The following TTC34 variants were observed in gnomAD, a reference collection of about 807,000 sequenced individuals.
The protein encoded by TTC34 is tetratricopeptide repeat domain 34.
A neutral mutation model predicts 40.7 loss-of-function variants in TTC34; 44 were observed. The ratio of observed to expected loss-of-function variants is 1.08; its 90% CI spans 0.85 to 1.39. The LOEUF (loss-of-function observed/expected upper bound fraction) is 1.39, where lower values mean the gene tolerates loss of function less well. TTC34 is among the 40% of genes most tolerant of loss of function. TTC34 has a pLI of 0.00. For synonymous variants in TTC34, 422 were observed against 398.6 expected (o/e 1.06, Z -0.70); for missense variants, 884 against 838.0 (o/e 1.05, Z -0.68).
intron 6 of TTC34, among the ~76,000 whole-genome samples, chr1:2,764,201 A>C (rs1223205538): frequency 2.0e-5 from 3 of 149,160 alleles, no homozygotes; most frequent in African/African-American, 7.5e-5. Context: ...AGCATCTGAC[A>C]GTCTGGAACA....
intron 6 of TTC34, among the ~76,000 whole-genome samples, chr1:2,767,421 C>A (rs1193663190): frequency 7.3e-6 from 1 of 137,664 alleles, no homozygotes; most frequent in Non-Finnish European, 1.6e-5. Flanking sequence ...AGCATCTGAC[C>A]GCATGGAATG....
rs1641620638 is a variant in TTC34, at chr1:2,759,489, G to GCAT, written c.2226+24117_2226+24119dup. On this transcript the variant is annotated intron_variant, in intron 6 of 8. Coordinates refer to ENST00000401095, the Ensembl canonical transcript of TTC34. ...AGCAGCACCCCACACCCCCAGGTGAGCATCGGGCAGCCTGGAGCAGCACCC... is the reference window on the plus strand; with the variant it reads ...AGCAGCACCCCACACCCCCAGGTGAGCATCATCGGGCAGCCTGGAGCAGCACCC... Among the ~76,000 whole-genome samples the GCAT allele has an allele frequency of 2.6e-4, 3 of 11,324 alleles. 1 individual carries two copies. The highest frequency in any genetic ancestry group is 3.9e-4 in the Non-Finnish European group (2 of 5,122). 7.4% of individuals were successfully genotyped at this position (11,324 alleles called of 152,430 possible).
At chr1:2,694,532 G>C (rs1213087626) in intron 6 of TTC34, among the ~76,000 whole-genome samples, 3 of 69,966 alleles carry the variant, frequency 4.3e-5, no homozygotes, top group Admixed American at 1.4e-4. Context: ...ATCCGACATC[G>C]TGGAGTAGCA....
Position 2,645,263 on chromosome 1 carries a change from C to T in TTC34, c.2497+30G>A, listed in dbSNP as rs1461260344. 1.1e-5 allele frequency: 16 copies of T among 1,439,946 alleles called. No homozygotes were observed. The highest frequency in any genetic ancestry group is 2.9e-5 in the African/African-American group (2 of 69,894). The allele number at this position is 1,439,946 out of a possible 1,614,324, so 89.2% of individuals were successfully genotyped here. A position where few individuals can be genotyped will look rare whatever the true frequency, so the allele number is the denominator to read the frequency against. Reference sequence around the variant, plus strand: ...GGAGCGGGGACAGAAGCCCAGACCCCGTGTTTCCCACCTTGGGGCCGCCGC... The same window carrying T: ...GGAGCGGGGACAGAAGCCCAGACCCTGTGTTTCCCACCTTGGGGCCGCCGC... On this transcript the variant is annotated intron_variant, in intron 7 of 8. Transcript: ENST00000401095. This position sits in a 1 kb window ranked among gnomAD's most constrained non-coding sequence, Gnocchi z 4.7.
At chr1:2,778,486 G>T (rs1225279320) in intron 6 of TTC34, among the ~76,000 whole-genome samples, 1 of 152,232 alleles carries the variant, frequency 6.6e-6, no homozygotes, top group African/African-American at 2.4e-5. Context: ...GCTCAGGCTA[G>T]TACCCAAGAG....
At chr1:2,643,777 G>T (rs867103914) in intron 8 of TTC34, among the ~76,000 whole-genome samples, 1 of 152,200 alleles carries the variant, frequency 6.6e-6, no homozygotes, top group Non-Finnish European at 1.5e-5. Flanking sequence ...GCCCCGGAGT[G>T]CTAGAACCCG....
At chr1:2,680,997 T>G (rs1208383529) in intron 6 of TTC34, among the ~76,000 whole-genome samples, 2 of 58,496 alleles carry the variant, frequency 3.4e-5, no homozygotes, top group Admixed American at 1.5e-4. Context: ...CAGGTGAGCA[T>G]CTGATGATCT....
At chr1:2,751,355 C>A (rs1190652576) in intron 6 of TTC34, among the ~76,000 whole-genome samples, 1 of 45,234 alleles carries the variant, frequency 2.2e-5, no homozygotes, top group East Asian at 7.6e-4. Flanking sequence ...CAGCCTGGGT[C>A]GGCACCCACA....
chr1:2,643,605 G>T (rs1447657581), intron 8 of TTC34, among the ~76,000 whole-genome samples: 2 of 148,268 alleles, frequency 1.3e-5, no homozygotes, highest in African/African-American at 2.5e-5. Context: ...CAGCCCGGCC[G>T]CCTCCTCTAG....
exon 9 of TTC34, chr1:2,641,275 G>A (rs1316336616): frequency 6.5e-6 from 9 of 1,383,112 alleles, no homozygotes; most frequent in East Asian, 5.2e-5. Flanking sequence ...GTACCTCCCC[G>A]ATTTAGGGAG....
rs551051431 is a variant in TTC34, at chr1:2,691,557, C to G, written c.2227-45994G>C. 1.7e-3 allele frequency among the ~76,000 whole-genome samples: 221 copies of G among 131,840 alleles called. 18 individuals carry two copies. The highest frequency in any genetic ancestry group is 3.1e-3 in the Admixed American group (39 of 12,552). The allele number at this position is 131,840 out of a possible 152,430, so 86.5% of individuals were successfully genotyped here. ...AGAACCCACACCCCCAGGTGAGCAT[C>G]TGACAGACTGGAACAGCACCCACAT... On this transcript the variant is annotated intron_variant, in intron 6 of 8. Transcript: ENST00000401095.
chr1:2,658,514 T>G (rs77427023), intron 6 of TTC34, among the ~76,000 whole-genome samples: 113 of 17,428 alleles, frequency 6.5e-3, no homozygotes, highest in Non-Finnish European at 7.2e-3. Flanking sequence ...ACCCAGGTGA[T>G]CATCTGACAG....
At chr1:2,642,067 A>G (rs1422075613) in intron 8 of TTC34, among the ~76,000 whole-genome samples, 172 bp from the exon 9 acceptor site, 1 of 152,088 alleles carries the variant, frequency 6.6e-6, no homozygotes, top group African/African-American at 2.4e-5. Context: ...CTGGCTGACC[A>G]TGGGCAAGGG....
intron 6 of TTC34, among the ~76,000 whole-genome samples, chr1:2,777,767 T>C (rs1045161142): frequency 2.0e-5 from 3 of 151,752 alleles, no homozygotes; most frequent in Non-Finnish European, 4.4e-5. Flanking sequence ...CTGCTGCTCC[T>C]ACCGTCACTC....
chr1:2,752,969 C>G (rs1641374527), intron 6 of TTC34, among the ~76,000 whole-genome samples: 2 of 144,966 alleles, frequency 1.4e-5, no homozygotes, highest in African/African-American at 2.6e-5. Context: ...GGAGCAACAC[C>G]CATACCCCCA....
At chr1:2,784,854 C>T (rs376816861) in intron 5 of TTC34, among the ~76,000 whole-genome samples, 6 of 152,212 alleles carry the variant, frequency 3.9e-5, no homozygotes, top group South Asian at 2.1e-4. Flanking sequence ...TCTCTTGCCT[C>T]GGCACCTAGG....
At chr1:2,768,286 T>C (rs1449644745) in intron 6 of TTC34, among the ~76,000 whole-genome samples, 1 of 151,996 alleles carries the variant, frequency 6.6e-6, no homozygotes, top group East Asian at 1.9e-4. Context: ...GAAGGTGCCA[T>C]TGTAGGTTTT....
intron 6 of TTC34, among the ~76,000 whole-genome samples, chr1:2,686,815 A>T: frequency 7.3e-6 from 1 of 136,570 alleles, no homozygotes; most frequent in African/African-American, 2.9e-5. Context: ...CCAGGCGAGC[A>T]TCTGACAGCC....
At chr1:2,677,711 G>A (rs796270972) in intron 6 of TTC34, among the ~76,000 whole-genome samples, 1 of 135,614 alleles carries the variant, frequency 7.4e-6, no homozygotes, top group Admixed American at 7.2e-5. Flanking sequence ...GCATCTGACA[G>A]CCTGGAACAG....
Sources: gnomAD v4.1 joint callset for allele counts (sites outside exome capture counted in the v4.1 genomes callset) on GRCh38, gnomAD v4.1.1 for gene constraint, Gnocchi (gnomAD v3.1) non-coding constraint, MANE v1.5 for transcripts, NCBI Gene and HGNC (gene_info 2026-07-23, HGNC 2026-07-21) for gene names.